INSL6: variants seen among roughly 807,000 people sequenced by gnomAD.
INSL6 encodes the protein insulin-like peptide INSL6.
A neutral mutation model predicts 9.4 loss-of-function variants in INSL6; 16 were observed. The ratio of observed to expected loss-of-function variants is 1.70; its 90% CI spans 1.15 to 2.59. The LOEUF is 2.59. INSL6 is among the 30% of genes most tolerant of loss of function. The pLI is 0.00. For missense variants in INSL6, 391 were observed against 257.3 expected, an observed-to-expected ratio of 1.52 and a Z score of -3.56; for synonymous variants, 154 against 96.9, an observed-to-expected ratio of 1.59 and a Z score of -3.46.
intron 1 of INSL6, among the ~76,000 whole-genome samples, chr9:5,178,447 C>A (rs567330757): frequency 1.3e-5 from 2 of 152,328 alleles, no homozygotes; most frequent in East Asian, 3.9e-4. Context: ...GACACTGATC[C>A]ATTACTCTTC....
the INSL6 span, chr9:5,089,782 G>T: frequency 6.2e-7 from 1 of 1,600,092 alleles, no homozygotes. Flanking sequence ...GCACCTAAGA[G>T]ACTTTGAAAG....
At chr9:5,089,944 C>A in the INSL6 span, 7 of 961,228 alleles carry the variant, frequency 7.3e-6, no homozygotes, top group Middle Eastern at 3.6e-4. Context: ...AATGTCTTAA[C>A]GATCTGGACT....
At chr9:5,061,237 T>C in the INSL6 span, among the ~76,000 whole-genome samples, 1 of 152,254 alleles carries the variant, frequency 6.6e-6, no homozygotes. Flanking sequence ...ACCAATGGCA[T>C]AGGCCCTTAG....
At chr9:5,014,298 C>T in the INSL6 span, among the ~76,000 whole-genome samples, 308 of 151,782 alleles carry the variant, frequency 2.0e-3, 1 homozygote, top group African/African-American at 7.1e-3. Flanking sequence ...GCCACTGTAC[C>T]CAGCCTCTTA....
the INSL6 span, chr9:5,050,963 G>A: frequency 3.8e-6 from 3 of 788,686 alleles, no homozygotes; most frequent in African/African-American, 1.8e-5. Flanking sequence ...TAAAATGCTT[G>A]GAATCAGAAA....
At chr9:5,155,801 G>C (rs1453140929) in intron 2 of INSL6, among the ~76,000 whole-genome samples, 1 of 151,808 alleles carries the variant, frequency 6.6e-6, no homozygotes, top group East Asian at 1.9e-4. Context: ...GATTGCATTA[G>C]GAGAAATACC....
chr9:5,082,206 C>T, the INSL6 span, among the ~76,000 whole-genome samples: 1 of 152,204 alleles, frequency 6.6e-6, no homozygotes, highest in Non-Finnish European at 1.5e-5. Context: ...TGAGTTTCCT[C>T]AGTATTTATT....
the INSL6 span, among the ~76,000 whole-genome samples, chr9:5,069,439 G>T: frequency 2.0e-5 from 3 of 152,146 alleles, no homozygotes; most frequent in Middle Eastern, 6.4e-3. Context: ...TAAACATAAT[G>T]TGTGGTATGA....
chr9:5,042,255 A>G, the INSL6 span, among the ~76,000 whole-genome samples: 1 of 148,210 alleles, frequency 6.7e-6, no homozygotes, highest in Non-Finnish European at 1.5e-5. Context: ...CTCCTGCCTC[A>G]GCCTCCCAAG....
downstream of INSL6, among the ~76,000 whole-genome samples, chr9:5,162,303 C>T (rs1174998777): frequency 1.3e-5 from 2 of 151,574 alleles, no homozygotes; most frequent in Non-Finnish European, 2.9e-5. Context: ...ATCATTAGTG[C>T]AATTTTAAAT....
chr9:5,049,745 T>C, the INSL6 span, among the ~76,000 whole-genome samples: 1 of 152,254 alleles, frequency 6.6e-6, no homozygotes, highest in Non-Finnish European at 1.5e-5. Context: ...TTTATTGTTC[T>C]GTGAATATCA....
At chr9:5,064,218 A>C in the INSL6 span, among the ~76,000 whole-genome samples, 1 of 152,090 alleles carries the variant, frequency 6.6e-6, no homozygotes, top group Non-Finnish European at 1.5e-5. Context: ...TTGTAGCATG[A>C]ATACTTTAGC....
chr9:5,147,754 A>T (rs1005760428), intron 2 of INSL6, among the ~76,000 whole-genome samples: 1 of 151,984 alleles, frequency 6.6e-6, no homozygotes, highest in African/African-American at 2.4e-5. Flanking sequence ...TTCATTTTTA[A>T]TTCTTTATTT....
At chr9:5,026,757 A>T in the INSL6 span, among the ~76,000 whole-genome samples, 12 of 152,264 alleles carry the variant, frequency 7.9e-5, no homozygotes, top group South Asian at 2.1e-3. Flanking sequence ...TATATGCTTG[A>T]AAATAGCTTG....
the INSL6 span, among the ~76,000 whole-genome samples, chr9:5,045,586 A>T: frequency 2.6e-5 from 4 of 152,230 alleles, no homozygotes; most frequent in Admixed American, 2.0e-4. Flanking sequence ...CCCACTCCCA[A>T]TGGCCTTTTG....
chr9:5,042,719 C>T, the INSL6 span, among the ~76,000 whole-genome samples: 2 of 152,200 alleles, frequency 1.3e-5, no homozygotes, highest in African/African-American at 4.8e-5. Context: ...CCATCTTGCC[C>T]AGGCCCACCT....
At chr9:5,041,788 G>T in the INSL6 span, 2 of 487,028 alleles carry the variant, frequency 4.1e-6, no homozygotes, top group Admixed American at 4.6e-5. Flanking sequence ...CCTCAGCTTC[G>T]GGACAAAGAT....
chr9:5,050,339 A>G, the INSL6 span, among the ~76,000 whole-genome samples: 1 of 152,176 alleles, frequency 6.6e-6, no homozygotes, highest in Non-Finnish European at 1.5e-5. Flanking sequence ...TCTGTTACCC[A>G]GACTAGGGTG....
At chr9:5,077,829 C>G in the INSL6 span, among the ~76,000 whole-genome samples, 1 of 152,176 alleles carries the variant, frequency 6.6e-6, no homozygotes, top group Non-Finnish European at 1.5e-5. Context: ...TATGTTGTGT[C>G]TTTTGGATTT....
Sources: gnomAD v4.1 joint callset for allele counts (sites outside exome capture counted in the v4.1 genomes callset) on GRCh38, gnomAD v4.1.1 for gene constraint, MANE v1.5 for transcripts, NCBI Gene and HGNC (gene_info 2026-07-23, HGNC 2026-07-21) for gene names.